Variants in VIPR2 observed in about 807,000 individuals in gnomAD.
The protein encoded by VIPR2 is vasoactive intestinal peptide receptor 2, also known as vasoactive intestinal polypeptide receptor 2.
A neutral mutation model predicts 58.0 loss-of-function variants in VIPR2; 48 were observed. That is an observed-to-expected ratio of 0.83 (90% CI 0.66 to 1.05). The LOEUF is 1.05. Among genes scored for constraint, VIPR2 ranks in the 50% least tolerant of loss-of-function variants. The pLI is 0.00. For missense variants in VIPR2, 534 were observed against 558.0 expected (o/e 0.96, Z 0.43); for synonymous variants, 243 against 235.2 (o/e 1.03, Z -0.30).
At chr7:159,085,869 C>T (rs1303666613) in intron 4 of VIPR2, among the ~76,000 whole-genome samples, 1 of 152,112 alleles carries the variant, frequency 6.6e-6, no homozygotes, top group Non-Finnish European at 1.5e-5. Context: ...GACGAAGAGG[C>T]GGAGCACAGG....
intron 2 of VIPR2, among the ~76,000 whole-genome samples, chr7:159,133,625 G>A (rs1033111580): frequency 3.3e-5 from 5 of 152,340 alleles, no homozygotes; most frequent in Admixed American, 2.6e-4. Context: ...TTTGAGAACA[G>A]AGGCCAGGAA....
chr7:159,135,004 G>GCTTTTTTT (rs1797145199), intron 2 of VIPR2, among the ~76,000 whole-genome samples: 1 of 65,992 alleles, frequency 1.5e-5, no homozygotes, highest in African/African-American at 6.5e-5. Context: ...AATTACAAAA[G>GCTTTTTTT]TTTTTTTTTT....
intron 6 of VIPR2, among the ~76,000 whole-genome samples, chr7:159,039,812 T>C (rs970948465): frequency 1.3e-5 from 2 of 152,184 alleles, no homozygotes; most frequent in East Asian, 3.9e-4. Context: ...GAGTTCCACC[T>C]GACAGAAATA....
At chr7:159,042,892 C>T in intron 6 of VIPR2, 143 bp downstream of exon 6, 1 of 1,201,456 alleles carries the variant, frequency 8.3e-7, no homozygotes, top group Non-Finnish European at 1.1e-6. Flanking sequence ...GCCCCAGCCT[C>T]TCTGCCAGGC....
Position 159,039,946 on chromosome 7 carries a change from G to A in VIPR2, c.598-3044C>T, listed in dbSNP as rs895084096. 7.2e-5 allele frequency among the ~76,000 whole-genome samples: 11 copies of A among 152,198 alleles called. 1 individual carries two copies. Among genetic ancestry groups the A allele is most frequent in the African/African-American group, 2.7e-4 (11 of 41,458 alleles). ...GCGGAGAACACCATGCCACATGAGG[G>A]ACCGTGTGCCGCCTGAAAGCAGGCG... On this transcript the variant is annotated intron_variant, in intron 6 of 12. Transcript: ENST00000262178.
At chr7:159,136,338 C>T (rs1467785837) in intron 2 of VIPR2, among the ~76,000 whole-genome samples, 1 of 152,170 alleles carries the variant, frequency 6.6e-6, no homozygotes, top group Non-Finnish European at 1.5e-5. Context: ...GAGGGCAGAG[C>T]TTTCATGACC....
chr7:159,060,674 AC>A (rs1855596778), intron 4 of VIPR2, among the ~76,000 whole-genome samples: 1 of 151,098 alleles, frequency 6.6e-6, no homozygotes. Context: ...TCTTCACCTC[AC>A]CTAACCACTA....
chr7:159,045,993 G>A (rs1041709812), intron 5 of VIPR2, among the ~76,000 whole-genome samples: 2 of 151,552 alleles, frequency 1.3e-5, no homozygotes, highest in Non-Finnish European at 2.9e-5. Flanking sequence ...TGGTCAATAA[G>A]CACATAAAAC....
At chr7:159,088,598 C>T (rs563043335) in intron 4 of VIPR2, among the ~76,000 whole-genome samples, 29 of 152,362 alleles carry the variant, frequency 1.9e-4, no homozygotes, top group African/African-American at 5.8e-4. Flanking sequence ...CACATCACAG[C>T]GAGCAAGTGC....
rs1857964438 is a variant in VIPR2 at position 159,097,934 on chromosome 7, G to A, written c.357+5823C>T. On this transcript the variant is annotated intron_variant, in intron 4 of 12. Transcript: ENST00000262178. The surrounding 1 kb of genome is among the most constrained non-coding windows in gnomAD (Gnocchi z 5.3). ...GGATTCCAGGCTCTGACTCCAACTG[G>A]CACCAGCTGGGAACGTGCTGGAAAG... Among the ~76,000 whole-genome samples the A allele has an allele frequency of 6.6e-6, 1 of 152,134 alleles. No individual in the cohort carries two copies. The highest frequency in any genetic ancestry group is 6.5e-5 in the Admixed American group (1 of 15,286).
intron 5 of VIPR2, among the ~76,000 whole-genome samples, chr7:159,043,986 C>T (rs562669344): frequency 7.2e-5 from 11 of 152,248 alleles, no homozygotes; most frequent in African/African-American, 2.6e-4. Flanking sequence ...TCCAGGTGCA[C>T]GTTCAGGGCA....
intron 4 of VIPR2, among the ~76,000 whole-genome samples, chr7:159,101,336 TG>T (rs1858220171): frequency 1.6e-5 from 1 of 62,016 alleles, no homozygotes; most frequent in Non-Finnish European, 3.3e-5. Context: ...GCGGTTCCCC[TG>T]ACTGTTCCTG....
Position 159,030,409 on chromosome 7 carries a change from TA to T in VIPR2, c.*206del. The T allele has an allele frequency of 2.0e-6, 1 of 497,808 alleles. No individual in the cohort carries two copies. The highest frequency in any genetic ancestry group is 3.4e-6 in the Non-Finnish European group (1 of 297,140). 30.8% of individuals were successfully genotyped at this position (497,808 alleles called of 1,614,324 possible). ...GAAACACATTTTGCACAAGATTATC[TA>T]AATGCTGGAGTTTAAATCGAGTCAA... On this transcript the variant is annotated 3_prime_UTR_variant, in exon 13 of 13. Transcript: ENST00000262178.
chr7:159,032,146 G>C (rs936550291), intron 10 of VIPR2, 79 bp from the exon 11 acceptor site: 10 of 1,572,076 alleles, frequency 6.4e-6, no homozygotes, highest in African/African-American at 5.4e-5. Flanking sequence ...TTCTCAGGAG[G>C]GGGCAGCTGG....
At chr7:159,094,772 T>C (rs1857732784) in intron 4 of VIPR2, among the ~76,000 whole-genome samples, 1 of 152,240 alleles carries the variant, frequency 6.6e-6, no homozygotes, top group Admixed American at 6.5e-5. Flanking sequence ...CTTTATGGTA[T>C]GTCCAAGTTA....
At chr7:159,061,795 C>G (rs958985683) in intron 4 of VIPR2, among the ~76,000 whole-genome samples, 1 of 152,250 alleles carries the variant, frequency 6.6e-6, no homozygotes, top group Non-Finnish European at 1.5e-5. Flanking sequence ...CTTTCTGGAT[C>G]TCACGCTCAG....
intron 2 of VIPR2, among the ~76,000 whole-genome samples, chr7:159,125,240 C>T (rs1320264377): frequency 2.6e-5 from 4 of 152,200 alleles, no homozygotes; most frequent in South Asian, 4.1e-4. Flanking sequence ...CAGTGAACCA[C>T]GGACATTTTC....
intron 2 of VIPR2, among the ~76,000 whole-genome samples, chr7:159,112,341 C>G: frequency 6.6e-6 from 1 of 152,220 alleles, no homozygotes; most frequent in Non-Finnish European, 1.5e-5. Context: ...GAGGTAGCAG[C>G]CGGAAGTGCA....
intron 4 of VIPR2, among the ~76,000 whole-genome samples, chr7:159,068,854 C>CA: frequency 6.6e-6 from 1 of 152,200 alleles, no homozygotes; most frequent in South Asian, 2.1e-4. Flanking sequence ...ATCTTGTGAT[C>CA]AGAGTTCAGA....
Sources: allele counts gnomAD v4.1 joint callset (sites outside exome capture counted in the v4.1 genomes callset), GRCh38; gene constraint gnomAD v4.1.1; non-coding constraint Gnocchi (gnomAD v3.1); transcripts MANE v1.5; gene names NCBI Gene and HGNC (gene_info 2026-07-23, HGNC 2026-07-21).